The following SLC2A13 variants were observed in gnomAD, a reference collection of about 807,000 sequenced individuals.
SLC2A13 encodes solute carrier family 2 member 13.
A neutral mutation model predicts 64.4 loss-of-function variants in SLC2A13; 32 were observed. That is an observed-to-expected ratio of 0.50 (90% CI 0.37 to 0.67). The LOEUF is 0.67. Ranked by LOEUF, SLC2A13 falls within the 30% of genes least tolerant of loss-of-function variation. The pLI is 0.00. For synonymous variants in SLC2A13, 338 were observed against 327.1 expected, an observed-to-expected ratio of 1.03 and a Z score of -0.36; for missense variants, 743 against 829.2, an observed-to-expected ratio of 0.90 and a Z score of 1.28.
intron 3 of SLC2A13, among the ~76,000 whole-genome samples, chr12:39,969,185 A>C (rs1484172084): frequency 7.2e-5 from 11 of 152,052 alleles, no homozygotes; most frequent in Non-Finnish European, 1.5e-4. Context: ...ACATTTTCTT[A>C]ATCCAGTCTA....
intron 6 of SLC2A13, among the ~76,000 whole-genome samples, chr12:39,864,093 G>A (rs145381333): frequency 1.0e-3 from 156 of 152,218 alleles, no homozygotes; most frequent in African/African-American, 3.6e-3. Context: ...TATATTAATC[G>A]ATGTGTCCAA....
chr12:39,850,273 T>C (rs1310187066), intron 6 of SLC2A13, among the ~76,000 whole-genome samples: 1 of 152,206 alleles, frequency 6.6e-6, no homozygotes, highest in Non-Finnish European at 1.5e-5. Context: ...ATTGTATTGA[T>C]ATATTTTTCA....
At chr12:40,025,585 T>C (rs1947790304) in intron 3 of SLC2A13, among the ~76,000 whole-genome samples, 1 of 152,216 alleles carries the variant, frequency 6.6e-6, no homozygotes, top group Non-Finnish European at 1.5e-5. Context: ...CCACCATGTT[T>C]GATAACACAT....
At chr12:39,989,606 GAC>G (rs1325016685) in intron 3 of SLC2A13, among the ~76,000 whole-genome samples, 1 of 152,168 alleles carries the variant, frequency 6.6e-6, no homozygotes, top group East Asian at 1.9e-4. Context: ...CAGGGAAGAA[GAC>G]ACACACAACC....
At chr12:40,023,189 T>C (rs1406167792) in intron 3 of SLC2A13, among the ~76,000 whole-genome samples, 2 of 152,202 alleles carry the variant, frequency 1.3e-5, no homozygotes, top group Non-Finnish European at 2.9e-5. Context: ...GCTTTTGTTG[T>C]TCATGCTTTT....
In SLC2A13 at chr12:39,759,108, G is replaced by GACTC; in HGVS notation, c.*914_*917dup. 1 of 152,348 alleles carries GACTC rather than the reference G, an allele frequency of 6.6e-6. No individual in the cohort carries two copies. The highest frequency in any genetic ancestry group is 1.9e-4 in the East Asian group (1 of 5,290). 9.4% of individuals were successfully genotyped at this position (152,348 alleles called of 1,614,324 possible). On this transcript the variant is annotated 3_prime_UTR_variant, in exon 10 of 10. Transcript: ENST00000280871. ...CACAAATGAAGGCACGAAATAGTAG[G>GACTC]ACTCCAAGGCCAATGAGGAAGGTGT... is the stretch of plus-strand genomic sequence containing the variant.
chr12:39,968,802 A>ATATC (rs1565567375), intron 3 of SLC2A13, among the ~76,000 whole-genome samples: 43 of 130,364 alleles, frequency 3.3e-4, no homozygotes, highest in African/African-American at 1.4e-3. Context: ...ATATATATAT[A>ATATC]TATATCTACA....
chr12:39,908,272 GT>G (rs1370720180), intron 4 of SLC2A13: 5 of 151,920 alleles, frequency 3.3e-5, no homozygotes, highest in Non-Finnish European at 7.4e-5. Flanking sequence ...ATTTCCTAAT[GT>G]TTTTAATAAT....
At chr12:39,760,303 T>G in intron 9 of SLC2A13, 51 bp from the exon 10 acceptor site, 1 of 1,506,020 alleles carries the variant, frequency 6.6e-7, no homozygotes, top group Non-Finnish European at 9.0e-7. Flanking sequence ...GAGAGAGGCT[T>G]AAGTTGGAAA....
At chr12:40,010,633 C>T (rs28370763) in intron 3 of SLC2A13, among the ~76,000 whole-genome samples, 1 of 152,182 alleles carries the variant, frequency 6.6e-6, no homozygotes, top group African/African-American at 2.4e-5. Flanking sequence ...CTTGCCCACA[C>T]TTTGAGAGCA....
intron 7 of SLC2A13, among the ~76,000 whole-genome samples, chr12:39,790,250 AG>A (rs1331995496): frequency 6.9e-6 from 1 of 144,650 alleles, no homozygotes; most frequent in Non-Finnish European, 1.5e-5. Context: ...TTTAAGTTTT[AG>A]GGTACATGTG....
chr12:39,798,165 C>T (rs567209163), intron 7 of SLC2A13, among the ~76,000 whole-genome samples: 2 of 152,270 alleles, frequency 1.3e-5, no homozygotes, highest in East Asian at 3.9e-4. Flanking sequence ...TAAGGCCTGT[C>T]GGACAACAAC....
At chr12:40,087,426 A>C (rs1421040280) in intron 1 of SLC2A13, among the ~76,000 whole-genome samples, 2 of 152,222 alleles carry the variant, frequency 1.3e-5, no homozygotes, top group Non-Finnish European at 2.9e-5. Context: ...TAAATATCAA[A>C]ACGCTTTAAG....
intron 6 of SLC2A13, among the ~76,000 whole-genome samples, chr12:39,863,671 T>A (rs1290100992): frequency 1.3e-5 from 2 of 152,186 alleles, no homozygotes; most frequent in Non-Finnish European, 2.9e-5. Flanking sequence ...TTAAGTCTTC[T>A]TAGAACAATA....
chr12:40,079,932 C>A (rs897408170), intron 1 of SLC2A13, among the ~76,000 whole-genome samples: 4 of 152,194 alleles, frequency 2.6e-5, no homozygotes, highest in African/African-American at 9.6e-5. Context: ...GGCACAATCT[C>A]AGCTCACTAC....
chr12:39,810,635 C>A (rs181004188), intron 7 of SLC2A13, among the ~76,000 whole-genome samples: 2 of 151,996 alleles, frequency 1.3e-5, no homozygotes, highest in African/African-American at 4.8e-5. Flanking sequence ...TGTATCAGGT[C>A]GAGGAAGTTT....
chr12:39,830,425 T>C, intron 6 of SLC2A13, 197 bp from the exon 7 acceptor site: 1 of 1,294,478 alleles, frequency 7.7e-7, no homozygotes, highest in Non-Finnish European at 9.8e-7. Flanking sequence ...CTCCCTCTTT[T>C]GGCCACAGCA....
intron 3 of SLC2A13, among the ~76,000 whole-genome samples, chr12:40,022,082 G>A (rs1462757784): frequency 6.6e-6 from 1 of 151,942 alleles, no homozygotes; most frequent in African/African-American, 2.4e-5. Context: ...ATACATGACA[G>A]ACATGACCCC....
At chr12:39,832,341 T>C (rs1046593261) in intron 6 of SLC2A13, among the ~76,000 whole-genome samples, 5 of 152,168 alleles carry the variant, frequency 3.3e-5, no homozygotes, top group African/African-American at 7.2e-5. Flanking sequence ...ATGATACTCA[T>C]TTGGGAAAGG....
Sources: gnomAD v4.1 joint callset for allele counts (sites outside exome capture counted in the v4.1 genomes callset) on GRCh38, gnomAD v4.1.1 for gene constraint, MANE v1.5 for transcripts, NCBI Gene and HGNC (gene_info 2026-07-23, HGNC 2026-07-21) for gene names.